RORB: variants seen among roughly 807,000 people sequenced by gnomAD.
The protein encoded by RORB is nuclear receptor ROR-beta.
Under a neutral mutation model 59.1 loss-of-function variants are expected in RORB, and 6 were observed. The ratio of observed to expected loss-of-function variants is 0.10; its 90% CI spans 0.06 to 0.20. The LOEUF is 0.20. Ranked by LOEUF, RORB falls within the 10% of genes least tolerant of loss-of-function variation. The probability of loss-of-function intolerance (pLI) is 1.00; values close to 1 mark genes in which losing one functional copy is unlikely to be tolerated. For synonymous variants in RORB, 215 were observed against 204.5 expected, an observed-to-expected ratio of 1.05 and a Z score of -0.44; for missense variants, 320 against 560.5, an observed-to-expected ratio of 0.57 and a Z score of 4.33.
intron 1 of RORB, among the ~76,000 whole-genome samples, chr9:74,622,980 TCA>T (rs1296891290): frequency 6.6e-6 from 1 of 152,076 alleles, no homozygotes; most frequent in Non-Finnish European, 1.5e-5. Context: ...TAAATATCCA[TCA>T]TGACCATTGA....
chr9:74,567,676 A>G lies in RORB; in HGVS notation c.8-62606A>G, dbSNP rs1822489074. Among the ~76,000 whole-genome samples the G allele has an allele frequency of 2.0e-5, 3 of 152,298 alleles. No homozygotes were observed. In the South Asian group the frequency reaches 6.2e-4, roughly 32 times the overall value. ...ATTAAATTGAATTTAATTCAGCACC[A>G]CAGTCTCCCCTCATTCTGAGACTTT... On this transcript the variant is annotated intron_variant, in intron 1 of 9. Coordinates refer to ENST00000376896, the MANE Select transcript of RORB (RefSeq NM_006914.4).
At chr9:74,536,242 G>A (rs894191886) in intron 1 of RORB, among the ~76,000 whole-genome samples, 7 of 151,836 alleles carry the variant, frequency 4.6e-5, no homozygotes, top group East Asian at 1.9e-4. Flanking sequence ...AAAAAAGGGC[G>A]GGGGCTAAAA....
intron 4 of RORB, among the ~76,000 whole-genome samples, chr9:74,648,480 C>A (rs1421969533): frequency 6.6e-6 from 1 of 152,156 alleles, no homozygotes; most frequent in Admixed American, 6.5e-5. Flanking sequence ...CTTGTTATAG[C>A]CACGTCACAC....
At position 74,689,615 on chromosome 9, in the gene RORB, C is replaced by A. The variant is rs1824708441; in HGVS notation, c.*3997C>A. ...AAGAGATCTTAAATCATAATAAACT[C>A]TGAATATTAACAAGAGGTGCCAGGG... is the stretch of plus-strand genomic sequence containing the variant. On this transcript the variant is annotated 3_prime_UTR_variant, in exon 10 of 10. Transcript: ENST00000376896. 1 of 152,194 alleles carries A rather than the reference C, an allele frequency of 6.6e-6. No homozygotes were observed. The highest frequency in any genetic ancestry group is 2.4e-5 in the African/African-American group (1 of 41,452). The allele number at this position is 152,194 out of a possible 1,614,324, so 9.4% of individuals were successfully genotyped here.
At chr9:74,522,533 G>A (rs1826097604) in intron 1 of RORB, among the ~76,000 whole-genome samples, 1 of 151,764 alleles carries the variant, frequency 6.6e-6, no homozygotes, top group Admixed American at 6.6e-5. Context: ...CCCAATAACT[G>A]ATCACAAACT....
rs868833780 is a variant in RORB, at chr9:74,659,784, C to T, written c.638-833C>T. Reference sequence around the variant, plus strand: ...TGGTTCTATTGCTCAACTTTCATGTCTCCAAACCCAAAATGATTGGTATTT... The same window carrying T: ...TGGTTCTATTGCTCAACTTTCATGTTTCCAAACCCAAAATGATTGGTATTT... On this transcript the variant is annotated intron_variant, in intron 4 of 9. Coordinates refer to ENST00000376896, the MANE Select transcript of RORB (RefSeq NM_006914.4). Among the ~76,000 whole-genome samples, 7 of 152,202 alleles carry T rather than the reference C, an allele frequency of 4.6e-5. No homozygotes were observed. In the South Asian group the frequency reaches 1.5e-3, roughly 32 times the overall value.
chr9:74,521,933 T>A (rs1169967601), intron 1 of RORB, among the ~76,000 whole-genome samples: 2 of 151,822 alleles, frequency 1.3e-5, no homozygotes, highest in Non-Finnish European at 2.9e-5. Flanking sequence ...ATTTTATAAA[T>A]ATGCTCCTTG....
chr9:74,689,463 A>G lies in RORB; in HGVS notation c.*3845A>G, dbSNP rs1267516107. 1.3e-5 allele frequency: 2 copies of G among 152,246 alleles called. No homozygotes were observed. The highest frequency in any genetic ancestry group is 4.8e-5 in the African/African-American group (2 of 41,462). 9.4% of individuals were successfully genotyped at this position (152,246 alleles called of 1,614,324 possible). ...CTGAAGGTGGAGATGTTCTCCACAA[A>G]CATACCCTTTCTGAATTTCCCTTGT... On this transcript the variant is annotated 3_prime_UTR_variant, in exon 10 of 10. Coordinates refer to ENST00000376896, the MANE Select transcript of RORB (RefSeq NM_006914.4).
At chr9:74,670,351 C>T (rs1462691313) in intron 8 of RORB, among the ~76,000 whole-genome samples, 1 of 151,974 alleles carries the variant, frequency 6.6e-6, no homozygotes, top group Non-Finnish European at 1.5e-5. Flanking sequence ...ATATTTGTGG[C>T]AAGTCAGTAA....
chr9:74,592,549 CA>C (rs1186571928), intron 1 of RORB, among the ~76,000 whole-genome samples: 4 of 152,104 alleles, frequency 2.6e-5, no homozygotes, highest in African/African-American at 9.7e-5. Context: ...GAGAGAAAAA[CA>C]AGTACTACCT....
chr9:74,552,326 A>T (rs1318828850), intron 1 of RORB, among the ~76,000 whole-genome samples: 1 of 152,134 alleles, frequency 6.6e-6, no homozygotes. Flanking sequence ...CTATAACATA[A>T]TGATTAAGAA....
chr9:74,650,079 G>A (rs997518322), intron 4 of RORB, among the ~76,000 whole-genome samples: 3 of 152,146 alleles, frequency 2.0e-5, no homozygotes, highest in Non-Finnish European at 4.4e-5. Context: ...AAAAGCCATA[G>A]TAATTATAAA....
At position 74,536,564 on chromosome 9, in the gene RORB, C is replaced by T. The variant is rs187732058; in HGVS notation, c.7+38581C>T. ...TTATAAACAACTGTAAACCTCCCTGCTCTCACTTTCTGGAGCAAACTCAAT... is the reference window on the plus strand; with the variant it reads ...TTATAAACAACTGTAAACCTCCCTGTTCTCACTTTCTGGAGCAAACTCAAT... On this transcript the variant is annotated intron_variant, in intron 1 of 9. Coordinates refer to ENST00000376896, the MANE Select transcript of RORB (RefSeq NM_006914.4). Among the ~76,000 whole-genome samples, 79 of 152,122 alleles carry T rather than the reference C, an allele frequency of 5.2e-4. 1 individual carries two copies. Among genetic ancestry groups the T allele is most frequent in the Admixed American group, 4.8e-3 (74 of 15,264 alleles).
intron 1 of RORB, among the ~76,000 whole-genome samples, chr9:74,524,848 A>C (rs1826134478): frequency 6.6e-6 from 1 of 151,844 alleles, no homozygotes; most frequent in Admixed American, 6.6e-5. Flanking sequence ...ATTTGTTAAA[A>C]ATTTTTTGAA....
At chr9:74,567,793 C>A (rs925556974) in intron 1 of RORB, among the ~76,000 whole-genome samples, 2 of 152,266 alleles carry the variant, frequency 1.3e-5, no homozygotes, top group East Asian at 1.9e-4. Flanking sequence ...TCTCTCTGAG[C>A]GAGTGGTTCC....
chr9:74,675,090 G>A (rs1365422769), intron 9 of RORB, among the ~76,000 whole-genome samples: 1 of 152,086 alleles, frequency 6.6e-6, no homozygotes, highest in Non-Finnish European at 1.5e-5. Flanking sequence ...GCGTATTTGA[G>A]CTAGTCACTG....
rs1483503274 is a variant in RORB at position 74,691,514 on chromosome 9, G to GAA, written c.*5898_*5899dup. ...CACAGAAAACTGAGTATGTATTGTA[G>GAA]AAATGTAGAGGAAAAATAAAAATAT... is the stretch of plus-strand genomic sequence containing the variant. On this transcript the variant is annotated 3_prime_UTR_variant, in exon 10 of 10. Coordinates refer to ENST00000376896, the MANE Select transcript of RORB (RefSeq NM_006914.4). 1 of 152,134 alleles carries GAA rather than the reference G, an allele frequency of 6.6e-6. No homozygotes were observed. Among genetic ancestry groups the GAA allele is most frequent in the East Asian group, 1.9e-4 (1 of 5,192 alleles). The allele number at this position is 152,134 out of a possible 1,614,324, so 9.4% of individuals were successfully genotyped here. A position where few individuals can be genotyped will look rare whatever the true frequency, so the allele number is the denominator to read the frequency against.
At chr9:74,552,387 C>A (rs1826625286) in intron 1 of RORB, among the ~76,000 whole-genome samples, 1 of 152,136 alleles carries the variant, frequency 6.6e-6, no homozygotes, top group Non-Finnish European at 1.5e-5. Flanking sequence ...CCATGTACTT[C>A]CTGGCTTTCT....
rs1824695829 is a variant in RORB at position 74,689,135 on chromosome 9, C to T, written c.*3517C>T. The stretch of plus-strand genomic sequence containing the variant: ...TTGTTTTGAGACAGATCTTGTTCAA[C>T]ATGTTGCTCAGGCTGGAGTGCAGTG... On this transcript the variant is annotated 3_prime_UTR_variant, in exon 10 of 10. Transcript: ENST00000376896. 1.3e-5 allele frequency: 2 copies of T among 152,320 alleles called. No individual in the cohort carries two copies. The highest frequency in any genetic ancestry group is 2.4e-5 in the African/African-American group (1 of 41,430). 9.4% of individuals were successfully genotyped at this position (152,320 alleles called of 1,614,324 possible). A position where few individuals can be genotyped will look rare whatever the true frequency, so the allele number is the denominator to read the frequency against.
Sources: allele counts gnomAD v4.1 joint callset (sites outside exome capture counted in the v4.1 genomes callset), GRCh38; gene constraint gnomAD v4.1.1; transcripts MANE v1.5; gene names NCBI Gene and HGNC (gene_info 2026-07-23, HGNC 2026-07-21).